Variants in PTCHD4 observed in about 807,000 individuals in gnomAD.
The protein encoded by PTCHD4 is patched domain-containing protein 4.
In PTCHD4, 33 loss-of-function variants were observed where a neutral mutation model predicts 58.1. The observed-to-expected ratio is 0.57, with a 90% confidence interval of 0.43 to 0.76. The LOEUF (loss-of-function observed/expected upper bound fraction) is 0.76, where lower values mean the gene tolerates loss of function less well. PTCHD4 is among the 30% of genes least tolerant of loss of function. The pLI is 0.00. For synonymous variants in PTCHD4, 478 were observed against 409.6 expected (o/e 1.17, Z -2.02); for missense variants, 1,058 against 1,027.1 (o/e 1.03, Z -0.41).
chr6:47,898,542 A>G (rs1054812117), intron 4 of PTCHD4, among the ~76,000 whole-genome samples: 3 of 152,208 alleles, frequency 2.0e-5, no homozygotes, highest in African/African-American at 7.2e-5. Context: ...GTAATGCTGG[A>G]AATTCAGCAA....
intron 4 of PTCHD4, among the ~76,000 whole-genome samples, chr6:48,004,234 G>T (rs755138347): frequency 1.2e-4 from 18 of 152,138 alleles, no homozygotes; most frequent in Non-Finnish European, 2.5e-4. Context: ...AAAAATGAGT[G>T]AAAATCTGTA....
intron 4 of PTCHD4, among the ~76,000 whole-genome samples, chr6:47,930,909 T>G (rs1765795413): frequency 6.6e-6 from 1 of 152,186 alleles, no homozygotes; most frequent in African/African-American, 2.4e-5. Flanking sequence ...TTCTCCTGCC[T>G]CAGCCTCCCA....
chr6:47,939,929 T>G (rs1258048263), intron 4 of PTCHD4, among the ~76,000 whole-genome samples: 1 of 152,086 alleles, frequency 6.6e-6, no homozygotes, highest in East Asian at 1.9e-4. Flanking sequence ...AACTCCATAC[T>G]TTCCATAATA....
intron 3 of PTCHD4, among the ~76,000 whole-genome samples, chr6:48,017,218 T>C (rs539339189): frequency 1.3e-5 from 2 of 152,186 alleles, no homozygotes; most frequent in Admixed American, 6.5e-5. Context: ...ATATTGGTTA[T>C]CTTTATTTTC....
In PTCHD4 at chr6:47,869,801, A is replaced by G. The variant is rs1204242193; in HGVS notation, c.*8502T>C. Among the ~76,000 whole-genome samples the G allele has an allele frequency of 2.6e-5, 4 of 151,714 alleles. No homozygotes were observed. Among genetic ancestry groups the G allele is most frequent in the African/African-American group, 9.7e-5 (4 of 41,390 alleles). On this transcript the variant is annotated 3_prime_UTR_variant, in exon 5 of 5. Coordinates refer to ENST00000339488, the MANE Select transcript of PTCHD4 (RefSeq NM_001384253.1). ...AAAAACATAGATTATGTTATTTTAC[A>G]TTGTGATGTTATAAGATGTTTTGTT...
chr6:48,051,898 G>T (rs145447892), intron 3 of PTCHD4, among the ~76,000 whole-genome samples: 35 of 152,078 alleles, frequency 2.3e-4, no homozygotes, highest in African/African-American at 8.4e-4. Flanking sequence ...GAATTATTTA[G>T]AACTCTAGAT....
intron 3 of PTCHD4, among the ~76,000 whole-genome samples, chr6:48,041,502 T>C (rs1328056462): frequency 6.6e-6 from 1 of 152,032 alleles, no homozygotes; most frequent in Non-Finnish European, 1.5e-5. Context: ...CCTAACTATA[T>C]CATTTAGCCC....
chr6:47,994,562 A>G (rs1056510103), intron 4 of PTCHD4, among the ~76,000 whole-genome samples: 11 of 152,328 alleles, frequency 7.2e-5, no homozygotes, highest in South Asian at 2.1e-4. Context: ...AAAAAATGAC[A>G]TAGAACAAAG....
At chr6:48,089,469 C>A (rs775261698) in intron 1 of PTCHD4, among the ~76,000 whole-genome samples, 1 of 152,138 alleles carries the variant, frequency 6.6e-6, no homozygotes, top group African/African-American at 2.4e-5. Context: ...CATGTTAATG[C>A]ATTTAGTCAT....
At chr6:47,926,456 A>G (rs1765618181) in intron 4 of PTCHD4, among the ~76,000 whole-genome samples, 1 of 152,210 alleles carries the variant, frequency 6.6e-6, no homozygotes, top group Non-Finnish European at 1.5e-5. Context: ...TTGCTACTCA[A>G]AGTGTGTTCC....
At position 47,862,092 on chromosome 6, in the gene PTCHD4, G is replaced by A. The variant is rs1025859675; in HGVS notation, c.*16211C>T. On this transcript the variant is annotated 3_prime_UTR_variant, in exon 5 of 5. Coordinates refer to ENST00000339488, the MANE Select transcript of PTCHD4 (RefSeq NM_001384253.1). The stretch of plus-strand genomic sequence containing the variant: ...AAATCTATTGGAACATTTGGTAAGA[G>A]ATATTTGACTTACATATTGTGTGTA... Among the ~76,000 whole-genome samples the A allele has an allele frequency of 4.0e-5, 6 of 151,864 alleles. No homozygotes were observed. The highest frequency in any genetic ancestry group is 1.4e-4 in the African/African-American group (6 of 41,406).
chr6:47,936,468 A>G (rs1022104144), intron 4 of PTCHD4, among the ~76,000 whole-genome samples: 1 of 152,228 alleles, frequency 6.6e-6, no homozygotes, highest in African/African-American at 2.4e-5. Flanking sequence ...CCCTGATACC[A>G]TGACTCTCTC....
chr6:47,959,006 T>C (rs1286506979), intron 4 of PTCHD4, among the ~76,000 whole-genome samples: 1 of 152,114 alleles, frequency 6.6e-6, no homozygotes, highest in Admixed American at 6.5e-5. Context: ...ATCATAGACA[T>C]ACAAAAATAC....
At chr6:47,953,888 A>T (rs900078935) in intron 4 of PTCHD4, among the ~76,000 whole-genome samples, 1 of 152,096 alleles carries the variant, frequency 6.6e-6, no homozygotes, top group Non-Finnish European at 1.5e-5. Context: ...TGAATGTGCA[A>T]TTTTTTTCCC....
intron 4 of PTCHD4, among the ~76,000 whole-genome samples, chr6:47,906,760 T>C (rs2113860233): frequency 6.6e-6 from 1 of 152,314 alleles, no homozygotes; most frequent in East Asian, 1.9e-4. Flanking sequence ...TTCTGTATTT[T>C]GCACAGTTTG....
At chr6:47,966,557 GTGATGCTGTT>G (rs1767303906) in intron 4 of PTCHD4, among the ~76,000 whole-genome samples, 1 of 152,122 alleles carries the variant, frequency 6.6e-6, no homozygotes. Context: ...TTTGTAGCAT[GTGATGCTGTT>G]TGATAGCATT....
intron 1 of PTCHD4, among the ~76,000 whole-genome samples, chr6:48,107,723 G>A (rs911293810): frequency 2.6e-5 from 4 of 152,036 alleles, no homozygotes; most frequent in Non-Finnish European, 4.4e-5. Context: ...CTAATATCCA[G>A]AATCTACAAT....
intron 1 of PTCHD4, among the ~76,000 whole-genome samples, chr6:48,099,834 G>A (rs776714207): frequency 6.6e-6 from 1 of 152,180 alleles, no homozygotes; most frequent in East Asian, 1.9e-4. Context: ...ATGAACACCA[G>A]AATTTTTAGG....
At chr6:48,040,170 C>T (rs1763793171) in intron 3 of PTCHD4, among the ~76,000 whole-genome samples, 1 of 152,116 alleles carries the variant, frequency 6.6e-6, no homozygotes, top group Non-Finnish European at 1.5e-5. Context: ...TCTCATACTA[C>T]TAAGGCCATG....
Sources: gnomAD v4.1 joint callset for allele counts (sites outside exome capture counted in the v4.1 genomes callset) on GRCh38, gnomAD v4.1.1 for gene constraint, MANE v1.5 for transcripts, NCBI Gene and HGNC (gene_info 2026-07-23, HGNC 2026-07-21) for gene names.